The following STK32B variants were observed in gnomAD, a reference collection of about 807,000 sequenced individuals.
STK32B encodes serine/threonine-protein kinase 32B.
In STK32B, 43 loss-of-function variants were observed where a neutral mutation model predicts 52.6. The observed-to-expected ratio is 0.82, with a 90% CI of 0.64 to 1.05. The LOEUF (loss-of-function observed/expected upper bound fraction) is 1.05, where lower values mean the gene tolerates loss of function less well. Among genes scored for constraint, STK32B ranks in the 50% least tolerant of loss-of-function variants. The pLI, the probability that STK32B is intolerant of heterozygous loss-of-function variation, is 0.00. For missense variants in STK32B, 621 were observed against 534.6 expected, an observed-to-expected ratio of 1.16 and a Z score of -1.59; for synonymous variants, 238 against 204.3, an observed-to-expected ratio of 1.17 and a Z score of -1.41.
At chr4:5,360,851 A>C (rs897736042) in intron 4 of STK32B, among the ~76,000 whole-genome samples, 1 of 152,226 alleles carries the variant, frequency 6.6e-6, no homozygotes, top group Non-Finnish European at 1.5e-5. Context: ...CTGTGGTAAA[A>C]TACACATAAC....
At chr4:5,459,185 C>T (rs961255475) in intron 8 of STK32B, among the ~76,000 whole-genome samples, 1 of 152,156 alleles carries the variant, frequency 6.6e-6, no homozygotes, top group African/African-American at 2.4e-5. Context: ...GTGACTGCAG[C>T]CACTCAATGG....
rs1248372285 is a variant in STK32B at position 5,139,901 on chromosome 4, G to A, written c.53-4G>A. 4.3e-6 allele frequency: 7 copies of A among 1,614,074 alleles called. No homozygotes were observed. The South Asian group carries it at 7.7e-5, about 18-fold the overall frequency. ...CTTGTTTCCTTTTTTGTTTTCTTTT[G>A]CAGTCAACTTTGACCATTTTCAGAT... On this transcript the variant is annotated splice_polypyrimidine_tract_variant and splice_region_variant and intron_variant, in intron 1 of 11. Coordinates refer to ENST00000282908, the MANE Select transcript of STK32B (RefSeq NM_018401.3).
At chr4:5,276,617 T>A (rs77527289) in intron 3 of STK32B, among the ~76,000 whole-genome samples, 17,787 of 152,034 alleles carry the variant, frequency 0.12, 2,825 homozygotes, top group African/African-American at 0.36. Flanking sequence ...TTTTTTTTTA[T>A]TTTAATGGAA....
In STK32B at chr4:5,493,038, C is replaced by A. The variant is rs571664705; in HGVS notation, c.1107-5907C>A. On this transcript the variant is annotated intron_variant, in intron 11 of 11. Coordinates refer to ENST00000282908, the MANE Select transcript of STK32B (RefSeq NM_018401.3). ...TCATCAAGGATATTGGTCTAAAATT[C>A]TCTTTTATGGTTGTGTCTCTGCCTG... Among the ~76,000 whole-genome samples, 4 of 151,440 alleles carry A rather than the reference C, an allele frequency of 2.6e-5. 1 individual carries two copies. The highest frequency in any genetic ancestry group is 9.8e-5 in the African/African-American group (4 of 40,768).
chr4:5,230,815 A>C (rs1348253889), intron 3 of STK32B, among the ~76,000 whole-genome samples: 1 of 152,168 alleles, frequency 6.6e-6, no homozygotes, highest in Non-Finnish European at 1.5e-5. Flanking sequence ...AATCCACAGA[A>C]AATTTTCCCA....
chr4:5,473,117 T>C (rs1178081544), intron 11 of STK32B, among the ~76,000 whole-genome samples: 2 of 152,196 alleles, frequency 1.3e-5, no homozygotes, highest in Non-Finnish European at 2.9e-5. Flanking sequence ...TCTTGCAATA[T>C]GAAGAACTTG....
chr4:5,493,829 G>T (rs1162433668), intron 11 of STK32B, among the ~76,000 whole-genome samples: 1 of 152,168 alleles, frequency 6.6e-6, no homozygotes, highest in Non-Finnish European at 1.5e-5. Flanking sequence ...CCTTCATTTC[G>T]TTATGTACCC....
At chr4:5,026,441 T>A in the STK32B span, among the ~76,000 whole-genome samples, 39 of 152,266 alleles carry the variant, frequency 2.6e-4, no homozygotes, top group African/African-American at 8.9e-4. Context: ...AAGGCATCTC[T>A]TAGCAAGGTG....
At chr4:5,177,496 G>C (rs1043614326) in intron 3 of STK32B, among the ~76,000 whole-genome samples, 1 of 152,044 alleles carries the variant, frequency 6.6e-6, no homozygotes, top group Admixed American at 6.6e-5. Flanking sequence ...GTCCCTCCCA[G>C]ATCTCATGTC....
At chr4:5,316,986 T>G (rs1371053857) in intron 3 of STK32B, among the ~76,000 whole-genome samples, 1 of 38,234 alleles carries the variant, frequency 2.6e-5, no homozygotes, top group Non-Finnish European at 3.8e-5. Flanking sequence ...TAATATATAA[T>G]ATATATGATA....
intron 1 of STK32B, among the ~76,000 whole-genome samples, chr4:5,091,015 G>A (rs961596944): frequency 1.3e-5 from 2 of 152,128 alleles, no homozygotes; most frequent in South Asian, 4.2e-4. Flanking sequence ...GGACCATATA[G>A]TTTCATGGGT....
rs921870745 is a variant in STK32B, at chr4:5,470,864, C to T, written c.1106+2794C>T. Among the ~76,000 whole-genome samples the T allele has an allele frequency of 2.6e-5, 4 of 152,338 alleles. No individual in the cohort carries two copies. Among genetic ancestry groups the T allele is most frequent in the Non-Finnish European group, 4.4e-5 (3 of 68,030 alleles). Reference sequence around the variant, plus strand: ...CACTTGAGTAGCTGGAAAATTAAATCGAGCACCTTCTTCCCCACTTGAGCA... The same window carrying T: ...CACTTGAGTAGCTGGAAAATTAAATTGAGCACCTTCTTCCCCACTTGAGCA... On this transcript the variant is annotated intron_variant, in intron 11 of 11. Transcript: ENST00000282908. The surrounding 1 kb of genome is among the most constrained non-coding windows in gnomAD (Gnocchi z 4.6).
chr4:5,362,052 T>G (rs1279271347), intron 4 of STK32B, among the ~76,000 whole-genome samples: 1 of 152,186 alleles, frequency 6.6e-6, no homozygotes, highest in Non-Finnish European at 1.5e-5. Context: ...ACTAAATTTA[T>G]CTCTGGAATA....
chr4:5,060,599 C>CTCAT (rs34148939), intron 1 of STK32B, among the ~76,000 whole-genome samples: 2 of 151,818 alleles, frequency 1.3e-5, no homozygotes, highest in South Asian at 2.1e-4. Context: ...ATTATACTTA[C>CTCAT]GTATTCTACA....
chr4:5,080,611 A>G (rs1712358607), intron 1 of STK32B, among the ~76,000 whole-genome samples: 1 of 152,176 alleles, frequency 6.6e-6, no homozygotes, highest in Non-Finnish European at 1.5e-5. Context: ...CCCCACTAAA[A>G]TTAAGCTATT....
At chr4:5,390,799 A>G (rs537300961) in intron 4 of STK32B, among the ~76,000 whole-genome samples, 7 of 152,036 alleles carry the variant, frequency 4.6e-5, no homozygotes, top group Non-Finnish European at 1.0e-4. Flanking sequence ...TGTTGGTACA[A>G]TTGGTTCTCC....
At position 5,453,980 on chromosome 4, in the gene STK32B, T is replaced by C. The variant is rs376085390; in HGVS notation, c.667-2827T>C. ...GTAGCCCTGAGCTCTGGGTCTCCTG[T>C]CCCTGCCCCTGTGGAAATTATAGAG... is the stretch of plus-strand genomic sequence containing the variant. On this transcript the variant is annotated intron_variant, in intron 7 of 11. Coordinates refer to ENST00000282908, the MANE Select transcript of STK32B (RefSeq NM_018401.3). This position sits in a 1 kb window ranked among gnomAD's most constrained non-coding sequence, Gnocchi z 4.0. Among the ~76,000 whole-genome samples the C allele has an allele frequency of 5.7e-4, 86 of 152,172 alleles. No homozygotes were observed. In the East Asian group the frequency reaches 0.015, roughly 27 times the overall value.
Position 5,473,668 on chromosome 4 carries a change from A to G in STK32B, c.1106+5598A>G, listed in dbSNP as rs563687728. 2.8e-3 allele frequency among the ~76,000 whole-genome samples: 431 copies of G among 152,252 alleles called. 1 individual carries two copies. The highest frequency in any genetic ancestry group is 4.8e-3 in the Non-Finnish European group (327 of 68,004). On this transcript the variant is annotated intron_variant, in intron 11 of 11. Transcript: ENST00000282908. ...CCCTGTAGACACCTTCTGTTGGCGAACCCAGACGTTTCAGGTGCAAGATTA... is the reference window on the plus strand; with the variant it reads ...CCCTGTAGACACCTTCTGTTGGCGAGCCCAGACGTTTCAGGTGCAAGATTA...
At chr4:5,095,338 G>A (rs1036208743) in intron 1 of STK32B, among the ~76,000 whole-genome samples, 2 of 152,158 alleles carry the variant, frequency 1.3e-5, no homozygotes, top group African/African-American at 4.8e-5. Flanking sequence ...GGAGAGGCCA[G>A]GTGCAGTGGC....
Sources: gnomAD v4.1 joint callset for allele counts (sites outside exome capture counted in the v4.1 genomes callset) on GRCh38, gnomAD v4.1.1 for gene constraint, Gnocchi (gnomAD v3.1) non-coding constraint, MANE v1.5 for transcripts, NCBI Gene and HGNC (gene_info 2026-07-23, HGNC 2026-07-21) for gene names.